The following NBAS variants were observed in gnomAD, a reference collection of about 807,000 sequenced individuals.
NBAS encodes the protein NBAS subunit of NRZ tethering complex.
In NBAS, 219 loss-of-function variants were observed where a neutral mutation model predicts 302.5. That is an observed-to-expected ratio of 0.72 (90% CI 0.65 to 0.81). The LOEUF (loss-of-function observed/expected upper bound fraction) is 0.81, where lower values mean the gene tolerates loss of function less well. Among genes scored for constraint, NBAS ranks in the 30% least tolerant of loss-of-function variants. The pLI is 0.00. For synonymous variants in NBAS, 1,118 were observed against 1,021.6 expected (o/e 1.09, Z -1.80); for missense variants, 2,932 against 2,841.6 (o/e 1.03, Z -0.72).
intron 11 of NBAS, among the ~76,000 whole-genome samples, chr2:15,497,468 C>G (rs2287264): frequency 0.63 from 95,020 of 152,016 alleles, 30,439 homozygotes; most frequent in Non-Finnish European, 0.68. Flanking sequence ...GAAGGACTGG[C>G]TAGTGTCAGC....
At chr2:15,503,141 T>C (rs1661658905) in intron 11 of NBAS, among the ~76,000 whole-genome samples, 1 of 152,172 alleles carries the variant, frequency 6.6e-6, no homozygotes, top group African/African-American at 2.4e-5. Flanking sequence ...TCTTTAGGGA[T>C]GGTAACACTC....
the NBAS span, among the ~76,000 whole-genome samples, chr2:14,970,857 G>A: frequency 1.2e-4 from 19 of 152,138 alleles, no homozygotes; most frequent in Non-Finnish European, 2.2e-4. Flanking sequence ...GTCCCACTGG[G>A]CTATAGTGTA....
intron 32 of NBAS, among the ~76,000 whole-genome samples, chr2:15,364,909 G>T (rs1674123574): frequency 6.6e-6 from 1 of 152,102 alleles, no homozygotes; most frequent in African/African-American, 2.4e-5. Flanking sequence ...TAAGCCACCA[G>T]GTTTTGGATG....
At chr2:14,793,394 G>A in the NBAS span, among the ~76,000 whole-genome samples, 1 of 152,018 alleles carries the variant, frequency 6.6e-6, no homozygotes, top group Non-Finnish European at 1.5e-5. Flanking sequence ...ATAATCAAAT[G>A]AATAATAAAC....
intron 47 of NBAS, among the ~76,000 whole-genome samples, chr2:15,231,271 C>T (rs1304004104): frequency 6.6e-6 from 1 of 152,214 alleles, no homozygotes; most frequent in Non-Finnish European, 1.5e-5. Context: ...TTTAGAAACA[C>T]TGTGCAAGGT....
At chr2:14,840,996 T>C in the NBAS span, among the ~76,000 whole-genome samples, 2 of 151,908 alleles carry the variant, frequency 1.3e-5, no homozygotes, top group Non-Finnish European at 2.9e-5. Flanking sequence ...ATAGGCAATA[T>C]AAAAATATGT....
the NBAS span, among the ~76,000 whole-genome samples, chr2:14,857,645 C>A: frequency 1.3e-5 from 2 of 152,134 alleles, no homozygotes; most frequent in Non-Finnish European, 2.9e-5. Flanking sequence ...AACTAGACCT[C>A]TTTCTTGCTA....
chr2:15,283,717 T>A (rs544547213), intron 42 of NBAS, among the ~76,000 whole-genome samples: 1 of 152,296 alleles, frequency 6.6e-6, no homozygotes, highest in Admixed American at 6.5e-5. Flanking sequence ...TTTCACAGAT[T>A]TTCTCTAATC....
the NBAS span, among the ~76,000 whole-genome samples, chr2:14,980,784 T>TA: frequency 6.6e-6 from 1 of 152,188 alleles, no homozygotes; most frequent in Non-Finnish European, 1.5e-5. Flanking sequence ...AATAGCTGTT[T>TA]AAAAATATAA....
At chr2:14,860,964 C>A in the NBAS span, among the ~76,000 whole-genome samples, 1 of 151,974 alleles carries the variant, frequency 6.6e-6, no homozygotes, top group Non-Finnish European at 1.5e-5. Context: ...TACCCCAAAG[C>A]TATGTACATC....
the NBAS span, among the ~76,000 whole-genome samples, chr2:14,876,303 CAAG>C: frequency 2.0e-5 from 3 of 152,168 alleles, no homozygotes; most frequent in South Asian, 6.2e-4. Context: ...AAAAGACAAC[CAAG>C]TAGATTAACA....
intron 12 of NBAS, among the ~76,000 whole-genome samples, chr2:15,485,096 T>A (rs1468183214): frequency 6.6e-6 from 1 of 151,992 alleles, no homozygotes; most frequent in Admixed American, 6.6e-5. Flanking sequence ...ACTCTAGATA[T>A]CTATTAGAAA....
chr2:15,071,582 C>T, the NBAS span, among the ~76,000 whole-genome samples: 1 of 150,896 alleles, frequency 6.6e-6, no homozygotes, highest in Non-Finnish European at 1.5e-5. Context: ...TGAGATCGTG[C>T]CACTGCACTC....
chr2:15,208,939 T>A (rs1666275102), intron 48 of NBAS, among the ~76,000 whole-genome samples: 1 of 151,806 alleles, frequency 6.6e-6, no homozygotes, highest in South Asian at 2.1e-4. Context: ...AAAAAGGATA[T>A]AATGAAGATC....
the NBAS span, among the ~76,000 whole-genome samples, chr2:15,034,729 A>G: frequency 6.6e-6 from 1 of 152,130 alleles, no homozygotes; most frequent in African/African-American, 2.4e-5. Context: ...CATGTAAAGC[A>G]TGAATGCATG....
At chr2:15,026,462 C>CAAAAAAAAAAAAAAA in the NBAS span, among the ~76,000 whole-genome samples, 1 of 4,532 alleles carries the variant, frequency 2.2e-4, no homozygotes, top group Non-Finnish European at 2.9e-4. Context: ...GACTCCGTCT[C>CAAAAAAAAAAAAAAA]AAAAAAAAAA....
chr2:15,427,935 C>T (rs1398197720), intron 21 of NBAS, 141 bp from the exon 22 acceptor site: 2 of 679,862 alleles, frequency 2.9e-6, no homozygotes, highest in African/African-American at 1.8e-5. Flanking sequence ...GTACAGGATA[C>T]ATATTATATA....
the NBAS span, among the ~76,000 whole-genome samples, chr2:14,896,468 A>C: frequency 1.3e-5 from 2 of 152,048 alleles, no homozygotes; most frequent in Non-Finnish European, 1.5e-5. Context: ...CACTGAACAA[A>C]TCTTCCTTCC....
chr2:15,419,075 C>T (rs1482409199), intron 23 of NBAS, among the ~76,000 whole-genome samples: 1 of 152,132 alleles, frequency 6.6e-6, no homozygotes, highest in African/African-American at 2.4e-5. Flanking sequence ...CACTGATTCG[C>T]CATTCATTGA....
Sources: allele counts gnomAD v4.1 joint callset (sites outside exome capture counted in the v4.1 genomes callset), GRCh38; gene constraint gnomAD v4.1.1; transcripts MANE v1.5; gene names NCBI Gene and HGNC (gene_info 2026-07-23, HGNC 2026-07-21).